Variants in PRDM16 observed in about 807,000 individuals in gnomAD.
PRDM16 encodes PR/SET domain 16, also known as histone-lysine N-methyltransferase PRDM16.
Under a neutral mutation model 110.6 loss-of-function variants are expected in PRDM16, and 23 were observed. The observed-to-expected ratio is 0.21, with a 90% CI of 0.15 to 0.29. The LOEUF (loss-of-function observed/expected upper bound fraction) is 0.29, where lower values mean the gene tolerates loss of function less well. PRDM16 is among the 10% of genes least tolerant of loss of function. PRDM16 has a pLI of 1.00. For synonymous variants in PRDM16, 799 were observed against 781.8 expected (o/e 1.02, Z -0.37); for missense variants, 1,615 against 1,794.3 (o/e 0.90, Z 1.81).
chr1:3,199,248 C>T (rs138279973), intron 2 of PRDM16, among the ~76,000 whole-genome samples: 11 of 150,980 alleles, frequency 7.3e-5, no homozygotes, highest in Non-Finnish European at 1.5e-4. Flanking sequence ...TGCCTGTGGG[C>T]GGAGAGCCAT....
At chr1:3,384,508 G>A (rs1289538472) in intron 3 of PRDM16, among the ~76,000 whole-genome samples, 1 of 152,152 alleles carries the variant, frequency 6.6e-6, no homozygotes, top group Non-Finnish European at 1.5e-5. Context: ...AAAGTCCTAG[G>A]GGTTGCCACT....
intron 4 of PRDM16, chr1:3,396,172 G>C (rs940189496): frequency 2.3e-6 from 1 of 432,658 alleles, no homozygotes; most frequent in Non-Finnish European, 4.5e-6. Flanking sequence ...ACCCACCCAG[G>C]TGGGCTCTTG....
In PRDM16 at chr1:3,290,079, G is replaced by A. The variant is rs1025944167; in HGVS notation, c.438+45942G>A. Among the ~76,000 whole-genome samples, 12 of 152,180 alleles carry A rather than the reference G, an allele frequency of 7.9e-5. No individual in the cohort carries two copies. The highest frequency in any genetic ancestry group is 2.2e-4 in the African/African-American group (9 of 41,446). On this transcript the variant is annotated intron_variant, in intron 3 of 16. Transcript: ENST00000270722. The surrounding 1 kb of genome is among the most constrained non-coding windows in gnomAD (Gnocchi z 4.8). ...TGGCTTTAAAAGTGTGCTCGTGAGCGCAGGGTGTTTTTCCTGAATGAAAAC... is the reference window on the plus strand; with the variant it reads ...TGGCTTTAAAAGTGTGCTCGTGAGCACAGGGTGTTTTTCCTGAATGAAAAC...
At chr1:3,270,747 C>G (rs1569965254) in intron 3 of PRDM16, among the ~76,000 whole-genome samples, 1 of 141,594 alleles carries the variant, frequency 7.1e-6, no homozygotes. Flanking sequence ...CAAAGGATGA[C>G]AGTCAGGAGG....
chr1:3,422,431 C>T (rs1190311590), intron 12 of PRDM16, among the ~76,000 whole-genome samples: 1 of 152,202 alleles, frequency 6.6e-6, no homozygotes, highest in Non-Finnish European at 1.5e-5. Context: ...GCCAGAGGGG[C>T]ACATGGCCCC....
intron 7 of PRDM16, 129 bp from the exon 8 acceptor site, chr1:3,405,366 G>A: frequency 9.2e-7 from 1 of 1,086,770 alleles, no homozygotes; most frequent in South Asian, 1.7e-5. Flanking sequence ...GGCCTGCTTG[G>A]TGCAGACTGC....
At chr1:3,165,394 AGGGCTCAGGGACAGTGACTCACCT>A (rs1557495611) in intron 1 of PRDM16, among the ~76,000 whole-genome samples, 26 of 90,224 alleles carry the variant, frequency 2.9e-4, no homozygotes, top group African/African-American at 9.6e-4. Context: ...GGGACTCACC[AGGGCTCAGGGACAGTGACTCACCT>A]GGGCTCAGGG....
At chr1:3,203,127 G>A (rs867359867) in intron 2 of PRDM16, among the ~76,000 whole-genome samples, 4 of 152,258 alleles carry the variant, frequency 2.6e-5, no homozygotes, top group African/African-American at 4.8e-5. Flanking sequence ...CCCCAACCCC[G>A]GGCTGAGGTG....
intron 3 of PRDM16, among the ~76,000 whole-genome samples, chr1:3,311,275 C>G (rs1336113349): frequency 6.6e-6 from 1 of 152,234 alleles, no homozygotes; most frequent in Non-Finnish European, 1.5e-5. Flanking sequence ...TCCCGGTGGG[C>G]CTCGGCTCAC....
At chr1:3,430,847 T>C in intron 14 of PRDM16, 25 bp from the exon 15 acceptor site, 1 of 1,610,756 alleles carries the variant, frequency 6.2e-7, no homozygotes, top group Non-Finnish European at 8.5e-7. Context: ...CCAAACTCAG[T>C]CAATCTCCTC....
At chr1:3,134,296 C>T (rs761989340) in intron 1 of PRDM16, among the ~76,000 whole-genome samples, 2 of 152,222 alleles carry the variant, frequency 1.3e-5, no homozygotes, top group Non-Finnish European at 2.9e-5. Flanking sequence ...GAACATAGTG[C>T]CCCGCTTGAT....
At position 3,244,952 on chromosome 1, in the gene PRDM16, G is replaced by C. The variant is rs549947549; in HGVS notation, c.438+815G>C. ...GGCTGATCTCCTATTTTTTGGGGGG[G>C]GGTTTCTAGTAAAATTAAAGTAACA... On this transcript the variant is annotated intron_variant, in intron 3 of 16. Coordinates refer to ENST00000270722, the MANE Select transcript of PRDM16 (RefSeq NM_022114.4). The surrounding 1 kb of genome is among the most constrained non-coding windows in gnomAD (Gnocchi z 4.1). Among the ~76,000 whole-genome samples, 1 of 152,282 alleles carries C rather than the reference G, an allele frequency of 6.6e-6. No individual in the cohort carries two copies. Among genetic ancestry groups the C allele is most frequent in the East Asian group, 1.9e-4 (1 of 5,184 alleles).
chr1:3,172,375 A>C, intron 1 of PRDM16, among the ~76,000 whole-genome samples: 1 of 151,572 alleles, frequency 6.6e-6, no homozygotes. Flanking sequence ...CTTTCCAGAG[A>C]CCCTGAGATC....
At chr1:3,236,449 A>G (rs1639542909) in intron 2 of PRDM16, among the ~76,000 whole-genome samples, 1 of 152,184 alleles carries the variant, frequency 6.6e-6, no homozygotes, top group African/African-American at 2.4e-5. Flanking sequence ...CGCATTGGCA[A>G]TGAGGTGGGC....
chr1:3,140,155 C>T lies in PRDM16; in HGVS notation c.38-45970C>T, dbSNP rs537301280. 1.2e-4 allele frequency among the ~76,000 whole-genome samples: 18 copies of T among 152,372 alleles called. 1 individual carries two copies. The highest frequency in any genetic ancestry group is 2.6e-4 in the Admixed American group (4 of 15,306). ...CTTTTAATCCAACATCGGCAGCACC[C>T]GAAGTGGTCCCCGCTCCCCCGGCGG... On this transcript the variant is annotated intron_variant, in intron 1 of 16. Transcript: ENST00000270722.
At chr1:3,109,661 A>G (rs1642740580) in intron 1 of PRDM16, among the ~76,000 whole-genome samples, 1 of 152,206 alleles carries the variant, frequency 6.6e-6, no homozygotes, top group African/African-American at 2.4e-5. Flanking sequence ...GAAAGCATCA[A>G]GTCCATCCCG....
intron 3 of PRDM16, among the ~76,000 whole-genome samples, chr1:3,283,531 G>A (rs1640766666): frequency 6.6e-6 from 1 of 152,176 alleles, no homozygotes; most frequent in African/African-American, 2.4e-5. Flanking sequence ...CCACAGCAGA[G>A]ACAGACACAC....
In PRDM16 at chr1:3,402,932, TTGGCGG is replaced by T; in HGVS notation, c.823_828del (p.Gly275_Gly276del). On this transcript the variant is annotated inframe_deletion, in exon 6 of 17. Coordinates refer to ENST00000270722, the MANE Select transcript of PRDM16 (RefSeq NM_022114.4). The stretch of plus-strand genomic sequence containing the variant: ...GCTGAGGAGCTCAAGCCCGAGGGCC[TTGGCGG>T]TGGCAGCGGCCAAGCCCACGAGTGC... 6.2e-7 allele frequency: 1 copy of T among 1,612,930 alleles called. No homozygotes were observed. Among genetic ancestry groups the T allele is most frequent in the Middle Eastern group, 1.7e-4 (1 of 6,060 alleles).
At chr1:3,090,122 C>A (rs1011361807) in intron 1 of PRDM16, among the ~76,000 whole-genome samples, 1 of 152,258 alleles carries the variant, frequency 6.6e-6, no homozygotes, top group East Asian at 1.9e-4. Flanking sequence ...GCCCTGTGTG[C>A]TCATTCGTGA....
Sources: gnomAD v4.1 joint callset for allele counts (sites outside exome capture counted in the v4.1 genomes callset) on GRCh38, gnomAD v4.1.1 for gene constraint, Gnocchi (gnomAD v3.1) non-coding constraint, MANE v1.5 for transcripts, NCBI Gene and HGNC (gene_info 2026-07-23, HGNC 2026-07-21) for gene names.